The following DOCK7 variants were observed in gnomAD, a reference collection of about 807,000 sequenced individuals.
The protein encoded by DOCK7 is dedicator of cytokinesis 7.
In DOCK7, 138 loss-of-function variants were observed where a neutral mutation model predicts 271.0. That is an observed-to-expected ratio of 0.51 (90% CI 0.44 to 0.59). The LOEUF is 0.59. Ranked by LOEUF, DOCK7 falls within the 20% of genes least tolerant of loss-of-function variation. The pLI is 0.00. For missense variants in DOCK7, 2,066 were observed against 2,592.4 expected, an observed-to-expected ratio of 0.80 and a Z score of 4.41; for synonymous variants, 823 against 876.1, an observed-to-expected ratio of 0.94 and a Z score of 1.07.
chr1:62,491,489 T>C (rs1376579435), intron 41 of DOCK7, among the ~76,000 whole-genome samples: 1 of 152,262 alleles, frequency 6.6e-6, no homozygotes, highest in East Asian at 1.9e-4. Context: ...CTGGGTTTCA[T>C]CTGACTGCTT....
intron 25 of DOCK7, among the ~76,000 whole-genome samples, chr1:62,541,815 TATTA>T (rs1434637074): frequency 6.6e-6 from 1 of 152,200 alleles, no homozygotes; most frequent in East Asian, 1.9e-4. Flanking sequence ...TATATGTATT[TATTA>T]ATTGAAATAT....
chr1:62,489,215 C>T (rs1288375173), intron 41 of DOCK7, 150 bp from the exon 42 acceptor site: 13 of 648,936 alleles, frequency 2.0e-5, no homozygotes, highest in African/African-American at 3.8e-5. Context: ...TTTGGGAGGC[C>T]GAGGCGGGTG....
rs1335037798 is a variant in DOCK7 at position 62,455,230 on chromosome 1, AT to A, written c.*183del. On this transcript the variant is annotated 3_prime_UTR_variant, in exon 50 of 50. Transcript: ENST00000635253. Reference sequence around the variant, plus strand: ...AAAGATAACAGCTTGTTACCAGAACATTAGAAACCATAGCCATGATTCTCAA... The same window carrying A: ...AAAGATAACAGCTTGTTACCAGAACATAGAAACCATAGCCATGATTCTCAA... 8.3e-6 allele frequency: 6 copies of A among 718,900 alleles called. No homozygotes were observed. In the African/African-American group the frequency reaches 1.1e-4, roughly 13 times the overall value. The allele number at this position is 718,900 out of a possible 1,614,324, so 44.5% of individuals were successfully genotyped here. A position where few individuals can be genotyped will look rare whatever the true frequency, so the allele number is the denominator to read the frequency against.
At chr1:62,644,734 C>T (rs1656434661) in intron 7 of DOCK7, among the ~76,000 whole-genome samples, 1 of 152,148 alleles carries the variant, frequency 6.6e-6, no homozygotes, top group Non-Finnish European at 1.5e-5. Flanking sequence ...AAAAATATAT[C>T]AGTTTCTATA....
At chr1:62,539,981 G>A (rs1324132800) in intron 25 of DOCK7, 89 bp from the exon 26 acceptor site, 1 of 870,744 alleles carries the variant, frequency 1.1e-6, no homozygotes, top group Non-Finnish European at 1.6e-6. Context: ...TTAAAATATG[G>A]CATGTAATTT....
At chr1:62,642,697 A>G (rs1224977920) in intron 7 of DOCK7, among the ~76,000 whole-genome samples, 2 of 152,188 alleles carry the variant, frequency 1.3e-5, no homozygotes, top group African/African-American at 2.4e-5. Flanking sequence ...ACTAGACTCT[A>G]TTACCACAAA....
At chr1:62,518,435 G>A (rs533884211) in intron 31 of DOCK7, among the ~76,000 whole-genome samples, 5 of 152,242 alleles carry the variant, frequency 3.3e-5, no homozygotes, top group South Asian at 4.1e-4. Flanking sequence ...TTAGCCAGGC[G>A]TGGTGGCGGG....
At chr1:62,512,103 CAA>C (rs1363391133) in intron 33 of DOCK7, among the ~76,000 whole-genome samples, 4 of 152,032 alleles carry the variant, frequency 2.6e-5, no homozygotes, top group African/African-American at 9.7e-5. Flanking sequence ...TTTTTAAAGG[CAA>C]AGACTGTGCC....
intron 17 of DOCK7, among the ~76,000 whole-genome samples, chr1:62,577,584 T>C (rs1646976114): frequency 6.6e-6 from 1 of 152,158 alleles, no homozygotes. Context: ...CAAAACATTA[T>C]TATTACTAAC....
intron 4 of DOCK7, among the ~76,000 whole-genome samples, chr1:62,650,475 A>G (rs988687040): frequency 2.6e-5 from 4 of 152,254 alleles, no homozygotes; most frequent in African/African-American, 9.6e-5. Context: ...GCTTCTGCAC[A>G]GCAAAAGAAA....
intron 10 of DOCK7, 21 bp from the exon 11 acceptor site, chr1:62,631,426 C>A: frequency 6.4e-7 from 1 of 1,564,174 alleles, no homozygotes; most frequent in South Asian, 1.2e-5. Flanking sequence ...GAACTTTATA[C>A]ATTATATGAT....
chr1:62,490,449 TG>T (rs1553154653), intron 41 of DOCK7, among the ~76,000 whole-genome samples: 1 of 152,062 alleles, frequency 6.6e-6, no homozygotes, highest in Non-Finnish European at 1.5e-5. Flanking sequence ...AAGAGAGAGA[TG>T]TTTTCCAAAA....
At chr1:62,476,214 A>G in intron 44 of DOCK7, 58 bp from the exon 45 acceptor site, 1 of 1,435,358 alleles carries the variant, frequency 7.0e-7, no homozygotes, top group Non-Finnish European at 9.6e-7. Context: ...GAAATAGAGA[A>G]GGCCTGAGGG....
At position 62,495,597 on chromosome 1, in the gene DOCK7, T is replaced by C; in HGVS notation, c.5008A>G (p.Ile1670Val). 1.3e-6 allele frequency: 2 copies of C among 1,586,380 alleles called. No homozygotes were observed. The highest frequency in any genetic ancestry group is 1.4e-5 in the African/African-American group (1 of 73,036). The change falls in exon 39 of 50, where the codon ATT (isoleucine) becomes GTT (valine). Residue 1670 changes from isoleucine to valine, a missense_variant. This residue lies in a region of DOCK7 where 652 missense variants were observed against 922.1 expected (regional missense o/e 0.71). Coordinates refer to ENST00000635253, the MANE Select transcript of DOCK7 (RefSeq NM_001367561.1). ...KEHQEDPEML[I>V]DLMYRIAKGY... ...AAATGCTACCTGTACATTAGATCAA[T>C]CAACATTTCAGGATCCTCCTGGTGT...
chr1:62,581,013 T>C (rs1342042728), intron 16 of DOCK7, among the ~76,000 whole-genome samples: 1 of 152,194 alleles, frequency 6.6e-6, no homozygotes, highest in Non-Finnish European at 1.5e-5. Context: ...ATGGCATAGA[T>C]GAATGGCTGC....
rs72667384 is a variant in DOCK7 at position 62,668,354 on chromosome 1, G to A, written c.39-5224C>T. 3.0e-3 allele frequency among the ~76,000 whole-genome samples: 449 copies of A among 152,188 alleles called. 1 individual carries two copies. The highest frequency in any genetic ancestry group is 5.1e-3 in the Non-Finnish European group (348 of 68,016). On this transcript the variant is annotated intron_variant, in intron 1 of 49. Transcript: ENST00000635253. ...CTAAAAGGCAAAGTCTATTTAAGAG[G>A]GTGGAAAAACAGATTTATGAGATAT...
intron 43 of DOCK7, chr1:62,485,557 G>T (rs1646268545): frequency 2.0e-6 from 2 of 985,186 alleles, no homozygotes; most frequent in South Asian, 9.4e-5. Context: ...AGATCTACCA[G>T]AATACTAGAA....
intron 43 of DOCK7, chr1:62,483,216 A>C (rs1646189081): frequency 1.9e-5 from 1 of 51,922 alleles, no homozygotes; most frequent in Non-Finnish European, 4.6e-5. Context: ...TTTTTTGGGT[A>C]GAGATGAGAT....
intron 29 of DOCK7, among the ~76,000 whole-genome samples, chr1:62,531,285 T>C (rs1645167658): frequency 6.6e-6 from 1 of 152,184 alleles, no homozygotes; most frequent in South Asian, 2.1e-4. Flanking sequence ...ATAAACTCTA[T>C]CCACTTGTCT....
Sources: gnomAD v4.1 joint callset for allele counts (sites outside exome capture counted in the v4.1 genomes callset) on GRCh38, gnomAD v4.1.1 for gene constraint, gnomAD v4.1.1 regional missense constraint, MANE v1.5 for transcripts, NCBI Gene and HGNC (gene_info 2026-07-23, HGNC 2026-07-21) for gene names.